Variants in GLIS3 observed in about 807,000 individuals in gnomAD.
The protein encoded by GLIS3 is zinc finger protein GLIS3.
GLIS3 carries 53 observed loss-of-function variants against 78.6 expected under a neutral mutation model. That is an observed-to-expected ratio of 0.67 (90% CI 0.54 to 0.85). The LOEUF (loss-of-function observed/expected upper bound fraction) is 0.85, where lower values mean the gene tolerates loss of function less well. GLIS3 is among the 40% of genes least tolerant of loss of function. The pLI, the probability that GLIS3 is intolerant of heterozygous loss-of-function variation, is 0.00. For missense variants in GLIS3, 1,703 were observed against 1,231.1 expected (o/e 1.38, Z -5.74); for synonymous variants, 684 against 509.9 (o/e 1.34, Z -4.60).
chr9:3,949,695 A>G (rs992008301), intron 4 of GLIS3, among the ~76,000 whole-genome samples: 4 of 152,238 alleles, frequency 2.6e-5, no homozygotes, highest in African/African-American at 7.2e-5. Flanking sequence ...CAGGTGCCTA[A>G]TACATATTAG....
At chr9:4,381,391 A>G in the GLIS3 span, among the ~76,000 whole-genome samples, 3 of 152,192 alleles carry the variant, frequency 2.0e-5, no homozygotes, top group Non-Finnish European at 4.4e-5. Flanking sequence ...AGAGGGCTCT[A>G]TGACATTATC....
At chr9:4,230,737 A>G (rs1242898884) in intron 2 of GLIS3, among the ~76,000 whole-genome samples, 1 of 152,226 alleles carries the variant, frequency 6.6e-6, no homozygotes, top group Non-Finnish European at 1.5e-5. Context: ...AAAGAGGGAG[A>G]ATAAAAGAAA....
chr9:3,830,652 A>G (rs1817994103), intron 9 of GLIS3, among the ~76,000 whole-genome samples: 1 of 152,222 alleles, frequency 6.6e-6, no homozygotes, highest in East Asian at 1.9e-4. Flanking sequence ...TTTCTTCCAC[A>G]AACACTAAAT....
At chr9:3,865,798 C>T (rs1223294935) in intron 8 of GLIS3, among the ~76,000 whole-genome samples, 3 of 152,168 alleles carry the variant, frequency 2.0e-5, no homozygotes, top group African/African-American at 7.2e-5. Flanking sequence ...AAATGACTTC[C>T]TTGGCACTTA....
rs1026211453 is a variant in GLIS3 at position 3,856,245 on chromosome 9, C to G, written c.2298-61G>C. 8 of 1,461,794 alleles carry G rather than the reference C, an allele frequency of 5.5e-6. No individual in the cohort carries two copies. In the African/African-American group the frequency reaches 8.4e-5, roughly 15 times the overall value. 90.6% of individuals were successfully genotyped at this position (1,461,794 alleles called of 1,614,324 possible). A position where few individuals can be genotyped will look rare whatever the true frequency, so the allele number is the denominator to read the frequency against. On this transcript the variant is annotated intron_variant, in intron 8 of 10. Transcript: ENST00000381971. ...ATAAAACAGCAGGAACAAAGACAAA[C>G]TCTCCAAAGCCAAATTCTCACCTCC...
intron 1 of GLIS3, among the ~76,000 whole-genome samples, chr9:4,291,520 T>C (rs1009134691): frequency 3.3e-5 from 5 of 152,086 alleles, no homozygotes; most frequent in South Asian, 4.1e-4. Context: ...GGACTGGCCA[T>C]GTCACTTTAA....
chr9:4,402,764 G>T, the GLIS3 span, among the ~76,000 whole-genome samples: 1 of 152,064 alleles, frequency 6.6e-6, no homozygotes, highest in African/African-American at 2.4e-5. Flanking sequence ...CAGGCTATTT[G>T]AAAACACACA....
chr9:4,230,796 A>G (rs1822189144), intron 2 of GLIS3, among the ~76,000 whole-genome samples: 1 of 152,200 alleles, frequency 6.6e-6, no homozygotes, highest in Admixed American at 6.6e-5. Flanking sequence ...CCTGCAAACT[A>G]AAATTCCAAA....
At chr9:4,337,830 C>A (rs979562895) in intron 2 of GLIS3, among the ~76,000 whole-genome samples, 2 of 152,110 alleles carry the variant, frequency 1.3e-5, no homozygotes, top group African/African-American at 2.4e-5. Flanking sequence ...TATGTTGTAT[C>A]ATTTAATCCT....
At chr9:4,197,352 T>C (rs1467155103) in intron 2 of GLIS3, among the ~76,000 whole-genome samples, 1 of 152,124 alleles carries the variant, frequency 6.6e-6, no homozygotes, top group African/African-American at 2.4e-5. Flanking sequence ...CCTACCCTCC[T>C]TGTGTAGAGA....
intron 6 of GLIS3, among the ~76,000 whole-genome samples, chr9:3,914,824 G>A (rs1243008507): frequency 6.6e-6 from 1 of 152,156 alleles, no homozygotes; most frequent in African/African-American, 2.4e-5. Flanking sequence ...TGACCAGCTG[G>A]TAAACCTGAT....
rs556065909 is a variant in GLIS3, at chr9:4,202,346, T to C, written c.389-76405A>G. ...TTTTGTATTTTTAGTAGAGACAGGG[T>C]TTCACCATGTTCACCAGGATGGTCT... is the stretch of plus-strand genomic sequence containing the variant. On this transcript the variant is annotated intron_variant, in intron 2 of 10. Coordinates refer to ENST00000381971, the MANE Select transcript of GLIS3 (RefSeq NM_001042413.2). Among the ~76,000 whole-genome samples the C allele has an allele frequency of 2.7e-5, 4 of 150,588 alleles. No individual in the cohort carries two copies. In the South Asian group the frequency reaches 8.4e-4, roughly 32 times the overall value.
At chr9:3,850,133 AG>A (rs1819333360) in intron 9 of GLIS3, among the ~76,000 whole-genome samples, 2 of 152,356 alleles carry the variant, frequency 1.3e-5, no homozygotes. Flanking sequence ...AAATTTAGGC[AG>A]GCAGTTCAGT....
intron 8 of GLIS3, among the ~76,000 whole-genome samples, chr9:3,859,396 C>CGT (rs1820020365): frequency 1.3e-5 from 1 of 75,752 alleles, no homozygotes; most frequent in African/African-American, 4.4e-5. Context: ...CACACACACA[C>CGT]ACACATCAAA....
intron 4 of GLIS3, among the ~76,000 whole-genome samples, chr9:4,112,932 T>A (rs1314131936): frequency 6.6e-6 from 1 of 152,128 alleles, no homozygotes; most frequent in Non-Finnish European, 1.5e-5. Flanking sequence ...TTTATTTCTT[T>A]CCTTTTGAGA....
chr9:4,055,223 G>A (rs1048041906), intron 4 of GLIS3, among the ~76,000 whole-genome samples: 2 of 152,194 alleles, frequency 1.3e-5, no homozygotes, highest in Non-Finnish European at 2.9e-5. Context: ...GTTGGCAAGA[G>A]CCTCTATTTT....
At chr9:4,400,369 T>G in the GLIS3 span, among the ~76,000 whole-genome samples, 2 of 151,602 alleles carry the variant, frequency 1.3e-5, no homozygotes, top group Non-Finnish European at 2.9e-5. Flanking sequence ...TTTATGAAGT[T>G]GTAAAAATAA....
At chr9:3,925,953 C>A (rs533612198) in intron 6 of GLIS3, among the ~76,000 whole-genome samples, 5 of 152,220 alleles carry the variant, frequency 3.3e-5, no homozygotes, top group African/African-American at 1.2e-4. Context: ...CCTACTGAGG[C>A]CATTAAGTGA....
chr9:4,332,262 C>T (rs951842827), intron 2 of GLIS3, among the ~76,000 whole-genome samples: 1 of 152,184 alleles, frequency 6.6e-6, no homozygotes, highest in South Asian at 2.1e-4. Context: ...TAGCGCCTTT[C>T]CTTCCCAGGT....
Sources: allele counts gnomAD v4.1 joint callset (sites outside exome capture counted in the v4.1 genomes callset), GRCh38; gene constraint gnomAD v4.1.1; transcripts MANE v1.5; gene names NCBI Gene and HGNC (gene_info 2026-07-23, HGNC 2026-07-21).